EHBP1: variants seen among roughly 807,000 people sequenced by gnomAD.
The protein encoded by EHBP1 is EH domain binding protein 1.
In EHBP1, 55 loss-of-function variants were observed where a neutral mutation model predicts 144.0. That is an observed-to-expected ratio of 0.38 (90% CI 0.31 to 0.48). The LOEUF is 0.48. Ranked by LOEUF, EHBP1 falls within the 20% of genes least tolerant of loss-of-function variation. The pLI is 0.98. For missense variants in EHBP1, 1,200 were observed against 1,364.2 expected, an observed-to-expected ratio of 0.88 and a Z score of 1.90; for synonymous variants, 469 against 472.7, an observed-to-expected ratio of 0.99 and a Z score of 0.10.
At chr2:63,021,054 C>T (rs981062760) in intron 19 of EHBP1, among the ~76,000 whole-genome samples, 5 of 136,722 alleles carry the variant, frequency 3.7e-5, no homozygotes, top group African/African-American at 1.4e-4. Context: ...AACTCCTGGA[C>T]TCGTGATCCT....
chr2:62,839,137 T>A (rs1479058777), intron 7 of EHBP1, among the ~76,000 whole-genome samples: 1 of 149,658 alleles, frequency 6.7e-6, no homozygotes, highest in Non-Finnish European at 1.5e-5. Context: ...AAAAAGCTTA[T>A]CCACCATGAT....
At position 63,045,226 on chromosome 2, in the gene EHBP1, G is replaced by A. The variant is rs1256290653; in HGVS notation, c.3392+46G>A. 9 of 1,516,422 alleles carry A rather than the reference G, an allele frequency of 5.9e-6. No homozygotes were observed. Among genetic ancestry groups the A allele is most frequent in the Non-Finnish European group, 7.2e-6 (8 of 1,113,960 alleles). The allele number at this position is 1,516,422 out of a possible 1,614,324, so 93.9% of individuals were successfully genotyped here. On this transcript the variant is annotated intron_variant, in intron 22 of 22. Coordinates refer to ENST00000431489, the MANE Select transcript of EHBP1 (RefSeq NM_001142616.3). The surrounding 1 kb of genome is among the most constrained non-coding windows in gnomAD (Gnocchi z 5.7). ...GGTCGAGGCTGGGCCACCTGCCGAG[G>A]GGCCGAGAAGTGTGCGGAAAGTTCA...
chr2:62,850,848 A>G (rs185447624), intron 7 of EHBP1, among the ~76,000 whole-genome samples: 1 of 152,210 alleles, frequency 6.6e-6, no homozygotes, highest in Non-Finnish European at 1.5e-5. Flanking sequence ...GAAGAAACAG[A>G]CAAGTACTTT....
chr2:62,851,512 C>G (rs2048694299), intron 7 of EHBP1, among the ~76,000 whole-genome samples: 1 of 152,136 alleles, frequency 6.6e-6, no homozygotes, highest in Non-Finnish European at 1.5e-5. Flanking sequence ...TTCCCGTAGC[C>G]TACAGTGCTA....
At chr2:63,041,929 A>G (rs1380689581) in intron 21 of EHBP1, among the ~76,000 whole-genome samples, 1 of 152,172 alleles carries the variant, frequency 6.6e-6, no homozygotes, top group Non-Finnish European at 1.5e-5. Context: ...TTTCAAGGTA[A>G]TTATCAACTT....
At chr2:62,854,940 G>C (rs1027411540) in intron 7 of EHBP1, among the ~76,000 whole-genome samples, 1 of 152,096 alleles carries the variant, frequency 6.6e-6, no homozygotes, top group African/African-American at 2.4e-5. Context: ...GCAGACCCAG[G>C]TACCCCTCTA....
intron 5 of EHBP1, among the ~76,000 whole-genome samples, chr2:62,811,127 A>T (rs78415374): frequency 1.3e-5 from 2 of 152,198 alleles, no homozygotes; most frequent in African/African-American, 2.4e-5. Context: ...AATGTTTATG[A>T]GTATGTATCT....
intron 7 of EHBP1, among the ~76,000 whole-genome samples, chr2:62,842,726 A>T (rs1558776033): frequency 6.6e-6 from 1 of 152,162 alleles, no homozygotes. Flanking sequence ...GTTAGAGAAT[A>T]TGGTGTATTA....
chr2:62,873,248 CAGAT>C (rs1489340213), intron 9 of EHBP1, among the ~76,000 whole-genome samples: 1 of 152,014 alleles, frequency 6.6e-6, no homozygotes, highest in Non-Finnish European at 1.5e-5. Flanking sequence ...CTAGATTTGA[CAGAT>C]AGAGACTATA....
intron 3 of EHBP1, among the ~76,000 whole-genome samples, chr2:62,761,828 C>G (rs1382508228): frequency 6.6e-6 from 1 of 152,166 alleles, no homozygotes; most frequent in Non-Finnish European, 1.5e-5. Context: ...TTAAAATTCT[C>G]TTCTGCAACG....
rs540962527 is a variant in EHBP1 at position 62,734,391 on chromosome 2, G to C, written c.105-13004G>C. Among the ~76,000 whole-genome samples, 11 of 146,414 alleles carry C rather than the reference G, an allele frequency of 7.5e-5. No individual in the cohort carries two copies. In the South Asian group the frequency reaches 2.3e-3, roughly 31 times the overall value. ...AGTTTATTCTTATGTAAGGTGTGTG[G>C]CATGTGTCTTTTTTTTTTTTTTGAG... is the stretch of plus-strand genomic sequence containing the variant. On this transcript the variant is annotated intron_variant, in intron 2 of 22. Coordinates refer to ENST00000431489, the MANE Select transcript of EHBP1 (RefSeq NM_001142616.3).
intron 2 of EHBP1, among the ~76,000 whole-genome samples, chr2:62,717,168 T>A (rs2035765674): frequency 6.6e-6 from 1 of 152,230 alleles, no homozygotes; most frequent in African/African-American, 2.4e-5. Flanking sequence ...TGTTATCAAA[T>A]CTTGATTTAC....
intron 1 of EHBP1, among the ~76,000 whole-genome samples, chr2:62,699,258 A>G (rs2034202057): frequency 6.6e-6 from 1 of 152,194 alleles, no homozygotes; most frequent in African/African-American, 2.4e-5. Flanking sequence ...GAAAACACAG[A>G]AGAAGTGAAG....
At chr2:62,704,253 G>A (rs2034371525), upstream of EHBP1, among the ~76,000 whole-genome samples, 1 of 152,296 alleles carries the variant, frequency 6.6e-6, no homozygotes, top group Non-Finnish European at 1.5e-5. Flanking sequence ...TGCACACTGT[G>A]CTCTTGTATT....
intron 14 of EHBP1, among the ~76,000 whole-genome samples, chr2:62,958,822 A>T (rs1157142243): frequency 1.3e-5 from 2 of 152,248 alleles, no homozygotes; most frequent in Non-Finnish European, 2.9e-5. Flanking sequence ...ATTCTGAAAG[A>T]TATAAAAGAG....
intron 2 of EHBP1, among the ~76,000 whole-genome samples, chr2:62,716,815 C>G (rs1369524317): frequency 6.6e-6 from 1 of 152,218 alleles, no homozygotes; most frequent in African/African-American, 2.4e-5. Context: ...CCTGAATAGT[C>G]AGCAAGGAGT....
Position 62,686,489 on chromosome 2 carries a change from C to G in EHBP1, c.-296+12406C>G, listed in dbSNP as rs72807558. Among the ~76,000 whole-genome samples, 1,324 of 152,282 alleles carry G rather than the reference C, an allele frequency of 8.7e-3. 9 individuals are homozygous for G. The highest frequency in any genetic ancestry group is 0.011 in the Non-Finnish European group (724 of 68,022). ...TCGCTGAAGCTCTAAAGATAGGGCA[C>G]TGAACCCACTAAATGATGAATACAT... On this transcript the variant is annotated intron_variant, in intron 1 of 22. Transcript: ENST00000405015.
chr2:62,772,184 G>A (rs1266066628), intron 5 of EHBP1: 1 of 146,934 alleles, frequency 6.8e-6, no homozygotes, highest in East Asian at 2.0e-4. Context: ...GGGGAAAGGA[G>A]GAAGGGAGGG....
intron 19 of EHBP1, among the ~76,000 whole-genome samples, chr2:63,011,523 G>T (rs1387483796): frequency 1.3e-5 from 2 of 152,012 alleles, no homozygotes; most frequent in African/African-American, 4.8e-5. Context: ...TTAATTTGCA[G>T]CTTTAAGAAG....
Sources: gnomAD v4.1 joint callset for allele counts (sites outside exome capture counted in the v4.1 genomes callset) on GRCh38, gnomAD v4.1.1 for gene constraint, Gnocchi (gnomAD v3.1) non-coding constraint, MANE v1.5 for transcripts, NCBI Gene and HGNC (gene_info 2026-07-23, HGNC 2026-07-21) for gene names.